The following LMNB1 variants were observed in gnomAD, a reference collection of about 807,000 sequenced individuals.
The protein encoded by LMNB1 is lamin-B1.
In LMNB1, 23 loss-of-function variants were observed where a neutral mutation model predicts 67.1. The ratio of observed to expected loss-of-function variants is 0.34; its 90% CI spans 0.25 to 0.49. The LOEUF (loss-of-function observed/expected upper bound fraction) is 0.49, where lower values mean the gene tolerates loss of function less well. Ranked by LOEUF, LMNB1 falls within the 20% of genes least tolerant of loss-of-function variation. LMNB1 has a pLI of 0.99. For synonymous variants in LMNB1, 281 were observed against 282.9 expected, an observed-to-expected ratio of 0.99 and a Z score of 0.07; for missense variants, 634 against 746.5, an observed-to-expected ratio of 0.85 and a Z score of 1.76.
At chr5:126,825,054 T>TATA (rs1183600465) in intron 8 of LMNB1, among the ~76,000 whole-genome samples, 1 of 152,238 alleles carries the variant, frequency 6.6e-6, no homozygotes, top group African/African-American at 2.4e-5. Flanking sequence ...AAGTCTTTTA[T>TATA]ATTCTATAAC....
At chr5:126,821,242 G>A in intron 7 of LMNB1, 107 bp downstream of exon 7, 2 of 681,646 alleles carry the variant, frequency 2.9e-6, no homozygotes, top group East Asian at 2.6e-5. Flanking sequence ...ACGTCTTCAT[G>A]GAATAAGGGT....
At chr5:126,800,982 A>ATATTTTTTTTTTTTTT in intron 1 of LMNB1, among the ~76,000 whole-genome samples, 1 of 18,632 alleles carries the variant, frequency 5.4e-5, no homozygotes, top group Admixed American at 9.5e-4. Flanking sequence ...TATATATATA[A>ATATTTTTTTTTTTTTT]TTTTTTTTTT....
At chr5:126,822,949 A>C (rs1357779452) in intron 8 of LMNB1, 64 bp downstream of exon 8, 2 of 1,090,154 alleles carry the variant, frequency 1.8e-6, no homozygotes, top group Admixed American at 2.0e-5. Context: ...TAACTCAAAA[A>C]GTTTTTTGGC....
Position 126,777,686 on chromosome 5 carries a change from C to T in LMNB1, c.178C>T (p.Leu60=). 6.5e-7 allele frequency: 1 copy of T among 1,545,332 alleles called. No homozygotes were observed. The highest frequency in any genetic ancestry group is 8.7e-7 in the Non-Finnish European group (1 of 1,144,882). Residue 60 remains leucine (L), a synonymous_variant, in exon 1 of 11, where the codon CTG becomes TTG. Coordinates refer to ENST00000261366, the MANE Select transcript of LMNB1 (RefSeq NM_005573.4). ...CAGCCTGGAGACGGAGAACAGCGCG[C>T]TGCAGCTGCAGGTGACGGAGCGCGA... ...VRSLETENSA[L]QLQVTEREEV...
intron 1 of LMNB1, among the ~76,000 whole-genome samples, chr5:126,802,737 G>A (rs1419277512): frequency 1.3e-5 from 2 of 151,938 alleles, no homozygotes; most frequent in Admixed American, 6.6e-5. Flanking sequence ...CACCATGCCC[G>A]GCAATAATTT....
Position 126,818,963 on chromosome 5 carries a change from GC to G in LMNB1, c.982del (p.Ala329LeufsTer11). The G allele has an allele frequency of 6.2e-7, 1 of 1,614,150 alleles. No homozygotes were observed. The highest frequency in any genetic ancestry group is 8.5e-7 in the Non-Finnish European group (1 of 1,179,998). The stretch of plus-strand genomic sequence containing the variant: ...AAAGGATTCAAGAATTAGAGGACTT[GC>G]TTGCTAAAGAAAAAGACAACTCTCG... ...LERIQELEDL[L>X]AKEKDNSRRM... On this transcript the variant is annotated frameshift_variant, in exon 6 of 11. Transcript: ENST00000261366. LOFTEE classifies it high-confidence loss of function.
intron 1 of LMNB1, 145 bp from the exon 2 acceptor site, chr5:126,804,631 T>G (rs906290540): frequency 3.2e-6 from 2 of 625,494 alleles, no homozygotes; most frequent in African/African-American, 3.7e-5. Context: ...CTAGATCCAG[T>G]GCTTGTGAAT....
chr5:126,778,198 G>T (rs1750524230), intron 1 of LMNB1, among the ~76,000 whole-genome samples: 1 of 152,060 alleles, frequency 6.6e-6, no homozygotes, highest in Non-Finnish European at 1.5e-5. Flanking sequence ...CCGGCGCGGA[G>T]AGGCGGCCCC....
chr5:126,780,657 G>T (rs1405282295), intron 1 of LMNB1, among the ~76,000 whole-genome samples: 2 of 152,304 alleles, frequency 1.3e-5, no homozygotes, highest in Middle Eastern at 3.4e-3. Flanking sequence ...TATTCTCTGA[G>T]GGTTAGTAGT....
chr5:126,778,371 CAG>C (rs1750533623), intron 1 of LMNB1, among the ~76,000 whole-genome samples: 1 of 152,160 alleles, frequency 6.6e-6, no homozygotes, highest in South Asian at 2.1e-4. Context: ...TTCGCGCGGG[CAG>C]AGAGAGGAAG....
intron 9 of LMNB1, among the ~76,000 whole-genome samples, chr5:126,829,442 C>T (rs1432522826): frequency 2.6e-5 from 4 of 151,524 alleles, no homozygotes; most frequent in South Asian, 2.1e-4. Flanking sequence ...TAACGTGGTC[C>T]GGTACTACTG....
At chr5:126,798,134 A>AAAAC (rs143035589) in intron 1 of LMNB1, among the ~76,000 whole-genome samples, 20,729 of 148,112 alleles carry the variant, frequency 0.14, 1,531 homozygotes, top group Middle Eastern at 0.2. Flanking sequence ...AGACCGTCTC[A>AAAAC]AAACAAACAA....
At chr5:126,811,921 G>A (rs1281749435) in intron 5 of LMNB1, 23 bp downstream of exon 5, 1 of 1,599,904 alleles carries the variant, frequency 6.3e-7, no homozygotes, top group Non-Finnish European at 8.6e-7. Context: ...CTTTCTGTAA[G>A]AAGTTAGACT....
chr5:126,786,220 T>A (rs1023819002), intron 1 of LMNB1, among the ~76,000 whole-genome samples: 1 of 150,006 alleles, frequency 6.7e-6, no homozygotes, highest in African/African-American at 2.4e-5. Context: ...TCTCTTGAGT[T>A]CACGCCATTC....
chr5:126,834,587 T>C (rs971501265), intron 10 of LMNB1, among the ~76,000 whole-genome samples: 1 of 152,216 alleles, frequency 6.6e-6, no homozygotes, highest in African/African-American at 2.4e-5. Flanking sequence ...CTACAGAGGA[T>C]GTGTAAAGAA....
chr5:126,795,262 C>T (rs1182159457), intron 1 of LMNB1, among the ~76,000 whole-genome samples: 1 of 151,862 alleles, frequency 6.6e-6, no homozygotes, highest in Non-Finnish European at 1.5e-5. Context: ...CTCAGTCTCT[C>T]TAGTAGCTGG....
At chr5:126,819,459 ATTATTTATTTATTTATTTAT>A (rs60317211) in intron 6 of LMNB1, among the ~76,000 whole-genome samples, 3,941 of 142,860 alleles carry the variant, frequency 0.028, 70 homozygotes, top group Middle Eastern at 0.11. Flanking sequence ...GACTTTACAT[ATTATTTATTTATTTATTTAT>A]TTATTTATTT....
chr5:126,804,946 T>A lies in LMNB1; in HGVS notation c.516+14T>A. ...CAGATTGCCCAGGTAAGGTCAAGCCTACTCTTGAGCCGTATGTGACAGGTT... is the reference window on the plus strand; with the variant it reads ...CAGATTGCCCAGGTAAGGTCAAGCCAACTCTTGAGCCGTATGTGACAGGTT... On this transcript the variant is annotated intron_variant, in intron 2 of 10. Transcript: ENST00000261366. 1 of 1,612,058 alleles carries A rather than the reference T, an allele frequency of 6.2e-7. No homozygotes were observed. The highest frequency in any genetic ancestry group is 8.5e-7 in the Non-Finnish European group (1 of 1,178,820).
At chr5:126,804,686 A>T (rs1751372128) in intron 1 of LMNB1, 90 bp from the exon 2 acceptor site, 1 of 1,196,734 alleles carries the variant, frequency 8.4e-7, no homozygotes, top group Admixed American at 2.6e-5. Flanking sequence ...TATTTAAACT[A>T]CTTCTTTTGT....
Sources: allele counts gnomAD v4.1 joint callset (sites outside exome capture counted in the v4.1 genomes callset), GRCh38; gene constraint gnomAD v4.1.1; transcripts MANE v1.5; gene names NCBI Gene and HGNC (gene_info 2026-07-23, HGNC 2026-07-21).